The following DEFA5 variants were observed in gnomAD, a reference collection of about 807,000 sequenced individuals.
DEFA5 encodes HD5(20-94).
A neutral mutation model predicts 8.7 loss-of-function variants in DEFA5; 11 were observed. The ratio of observed to expected loss-of-function variants is 1.26; its 90% CI spans 0.80 to 2.09. The LOEUF is 2.09. Ranked by LOEUF, DEFA5 falls within the 30% of genes most tolerant of loss-of-function variation. The probability of loss-of-function intolerance (pLI) is 0.00; values close to 1 mark genes in which losing one functional copy is unlikely to be tolerated. For synonymous variants in DEFA5, 52 were observed against 43.9 expected (o/e 1.18, Z -0.73); for missense variants, 181 against 117.2 (o/e 1.54, Z -2.52).
Position 7,055,533 on chromosome 8 carries a change from T to C in DEFA5, c.183A>G (p.Ala61=). 1 of 1,611,552 alleles carries C rather than the reference T, an allele frequency of 6.2e-7. No homozygotes were observed. Among genetic ancestry groups the C allele is most frequent in the African/African-American group, 1.3e-5 (1 of 74,994 alleles). The change falls in exon 2 of 2, where the codon GCA becomes GCG. Residue 61 remains alanine, a synonymous_variant. Transcript: ENST00000330590. ...CGGTTCGGCAATAGCAGGTGGCTCT[T>C]GCCTGAGAACCTGTGGAAAGAAGAG... is the stretch of plus-strand genomic sequence containing the variant. ...LSALRTSGSQ[A]RATCYCRTGR...
intron 1 of DEFA5, 110 bp from the exon 2 acceptor site, chr8:7,055,653 G>T: frequency 1.4e-6 from 1 of 708,658 alleles, no homozygotes; most frequent in Non-Finnish European, 2.5e-6. Context: ...AGTCATGTTA[G>T]GATGGAGAAA....
chr8:7,055,921 C>T (rs558267922), intron 1 of DEFA5, among the ~76,000 whole-genome samples: 1 of 151,950 alleles, frequency 6.6e-6, no homozygotes, highest in Admixed American at 6.5e-5. Context: ...TGAAATGCCG[C>T]ATTGTGCATG....
At position 7,055,545 on chromosome 8, in the gene DEFA5, T is replaced by G. The variant is rs1812390827; in HGVS notation, c.173-2A>C. On this transcript the variant is annotated splice_acceptor_variant, in intron 1 of 1. Coordinates refer to ENST00000330590, the MANE Select transcript of DEFA5 (RefSeq NM_021010.3). LOFTEE classifies it high-confidence loss of function. ...AGCAGGTGGCTCTTGCCTGAGAACC[T>G]GTGGAAAGAAGAGAGGGTCAGGCAC... The G allele has an allele frequency of 6.2e-7, 1 of 1,606,960 alleles. No homozygotes were observed. Among genetic ancestry groups the G allele is most frequent in the East Asian group, 2.2e-5 (1 of 44,736 alleles).
Position 7,056,622 on chromosome 8 carries a change from C to T in DEFA5, c.76G>A (p.Ala26Thr), listed in dbSNP as rs766953935. 18 of 1,614,060 alleles carry T rather than the reference C, an allele frequency of 1.1e-5. No individual in the cohort carries two copies. The highest frequency in any genetic ancestry group is 1.6e-4 in the Middle Eastern group (1 of 6,082). ...TGCTTCTGGGTTGTAGCCTCATCAG[C>T]TCTTTCCTGGAGTGACTCAGCCTGG... ...QAQAESLQERADEATTQKQSG... is the reference protein window; with the variant it reads ...QAQAESLQERTDEATTQKQSG... The change falls in exon 1 of 2, where the codon GCT (alanine) becomes ACT (threonine). Residue 26 changes from alanine to threonine, a missense_variant. By Grantham distance (58) the Ala-to-Thr change is moderately conservative (BLOSUM62 0). Coordinates refer to ENST00000330590, the MANE Select transcript of DEFA5 (RefSeq NM_021010.3).
intron 1 of DEFA5, 74 bp from the exon 2 acceptor site, chr8:7,055,617 A>T: frequency 1.1e-6 from 1 of 930,310 alleles, no homozygotes; most frequent in Non-Finnish European, 1.7e-6. Flanking sequence ...ACTAACTGAG[A>T]TAGTCTAAAT....
At chr8:7,055,918 C>T (rs1432466923) in intron 1 of DEFA5, among the ~76,000 whole-genome samples, 1 of 151,896 alleles carries the variant, frequency 6.6e-6, no homozygotes, top group Non-Finnish European at 1.5e-5. Flanking sequence ...TTCTGAAATG[C>T]CGCATTGTGC....
intron 1 of DEFA5, among the ~76,000 whole-genome samples, chr8:7,056,014 CTTTTTTTTTTT>C (rs56220551): frequency 1.2e-4 from 14 of 112,948 alleles, no homozygotes; most frequent in African/African-American, 4.9e-4. Context: ...TCTGTCTCTC[CTTTTTTTTTTT>C]TTTTTTTTTT....
chr8:7,056,657 G>C lies in DEFA5; in HGVS notation c.41C>G (p.Ala14Gly). ...IAILAAILLV[A>G]LQAQAESLQE... ...GAGTGACTCAGCCTGGGCCTGCAGGGCCACCAGGAGAATGGCAGCAAGGAT... is the reference window on the plus strand; with the variant it reads ...GAGTGACTCAGCCTGGGCCTGCAGGCCCACCAGGAGAATGGCAGCAAGGAT... The change falls in exon 1 of 2, where the codon GCC becomes GGC. Residue 14 changes from alanine to glycine, a missense_variant. Coordinates refer to ENST00000330590, the MANE Select transcript of DEFA5 (RefSeq NM_021010.3). The C allele has an allele frequency of 6.2e-7, 1 of 1,613,634 alleles. No homozygotes were observed. The highest frequency in any genetic ancestry group is 1.3e-5 in the African/African-American group (1 of 75,052).
In DEFA5 at chr8:7,055,632, G is replaced by C. The variant is rs1469736905; in HGVS notation, c.173-89C>G. ...ACTAACTGAGATAGTCTAAATAAGA[G>C]ACACTGTATCAGTCATGTTAGGATG... On this transcript the variant is annotated intron_variant, in intron 1 of 1. Transcript: ENST00000330590. 17 of 833,150 alleles carry C rather than the reference G, an allele frequency of 2.0e-5. No homozygotes were observed. In the Admixed American group the frequency reaches 3.5e-4, roughly 17 times the overall value. The allele number at this position is 833,150 out of a possible 1,614,324, so 51.6% of individuals were successfully genotyped here.
chr8:7,056,726 A>G lies in DEFA5; in HGVS notation c.-29T>C. The G allele has an allele frequency of 1.3e-6, 2 of 1,592,996 alleles. No individual in the cohort carries two copies. The highest frequency in any genetic ancestry group is 1.7e-6 in the Non-Finnish European group (2 of 1,165,664). On this transcript the variant is annotated 5_prime_UTR_variant, in exon 1 of 2. Transcript: ENST00000330590. The stretch of plus-strand genomic sequence containing the variant: ...TGGGGTCACCTGCAGGAGGGAGAGC[A>G]GGAGTGGATATGTGGGGAGTGAGGA...
At chr8:7,055,776 C>T (rs1812401545) in intron 1 of DEFA5, among the ~76,000 whole-genome samples, 1 of 152,118 alleles carries the variant, frequency 6.6e-6, no homozygotes, top group Non-Finnish European at 1.5e-5. Flanking sequence ...ATTACCTGCT[C>T]CCTGGTCCAA....
chr8:7,056,647 G>A lies in DEFA5; in HGVS notation c.51C>T (p.Ala17=), dbSNP rs147432781. ...CTCTTTCCTGGAGTGACTCAGCCTG[G>A]GCCTGCAGGGCCACCAGGAGAATGG... is the stretch of plus-strand genomic sequence containing the variant. ...LAAILLVALQ[A]QAESLQERAD... is the part of the protein sequence containing the mutation. Residue 17 remains alanine (A), a synonymous_variant, in exon 1 of 2, where the codon GCC becomes GCT. Transcript: ENST00000330590. The A allele has an allele frequency of 0.01, 16,891 of 1,613,876 alleles. 108 individuals carry two copies. The highest frequency in any genetic ancestry group is 0.013 in the Non-Finnish European group (15,609 of 1,179,818).
At position 7,055,421 on chromosome 8, in the gene DEFA5, T is replaced by C; in HGVS notation, c.*10A>G. 6.2e-7 allele frequency: 1 copy of C among 1,610,030 alleles called. No homozygotes were observed. Among genetic ancestry groups the C allele is most frequent in the Non-Finnish European group, 8.5e-7 (1 of 1,176,886 alleles). On this transcript the variant is annotated 3_prime_UTR_variant, in exon 2 of 2. Coordinates refer to ENST00000330590, the MANE Select transcript of DEFA5 (RefSeq NM_021010.3). Reference sequence around the variant, plus strand: ...GAATCTTGCACTGCTTTGGTTTCTATCTAGGAAGCTCAGCGACAGCAGAGT... The same window carrying C: ...GAATCTTGCACTGCTTTGGTTTCTACCTAGGAAGCTCAGCGACAGCAGAGT...
Position 7,055,456 on chromosome 8 carries a change from C to A in DEFA5, c.260G>T (p.Arg87Leu), listed in dbSNP as rs373926117. 11 of 1,613,616 alleles carry A rather than the reference C, an allele frequency of 6.8e-6. No individual in the cohort carries two copies. The highest frequency in any genetic ancestry group is 1.6e-4 in the Middle Eastern group (1 of 6,084). Residue 87 changes from arginine to leucine, a missense_variant, in exon 2 of 2, where the codon CGC becomes CTC. By Grantham distance (102) the Arg-to-Leu change is moderately radical (BLOSUM62 -2). Coordinates refer to ENST00000330590, the MANE Select transcript of DEFA5 (RefSeq NM_021010.3). ...TCAGCGACAGCAGAGTCTGTAGAGG[C>A]GGCCACTGATTTCACACACCCCGGA... ...SLSGVCEISG[R>L]LYRLCCR
intron 1 of DEFA5, among the ~76,000 whole-genome samples, chr8:7,056,112 T>C (rs925778269): frequency 2.6e-5 from 4 of 151,754 alleles, no homozygotes; most frequent in African/African-American, 4.8e-5. Context: ...AATATGATGT[T>C]TTGATCTAAG....
rs200848869 is a variant in DEFA5 at position 7,056,664 on chromosome 8, G to A, written c.34C>T (p.Leu12=). 7.4e-6 allele frequency: 12 copies of A among 1,613,554 alleles called. No homozygotes were observed. In the East Asian group the frequency reaches 2.7e-4, roughly 36 times the overall value. The change falls in exon 1 of 2, where the codon CTG becomes TTG. Residue 12 remains leucine (L), a synonymous_variant. Coordinates refer to ENST00000330590, the MANE Select transcript of DEFA5 (RefSeq NM_021010.3). ...RTIAILAAIL[L]VALQAQAESL... ...TCAGCCTGGGCCTGCAGGGCCACCA[G>A]GAGAATGGCAGCAAGGATGGCGATG...
At chr8:7,055,564 C>G (rs1563111031) in intron 1 of DEFA5, 21 bp from the exon 2 acceptor site, 2 of 1,562,224 alleles carry the variant, frequency 1.3e-6, no homozygotes, top group Non-Finnish European at 1.8e-6. Context: ...AAGAGAGGGT[C>G]AGGCACAGCG....
Position 7,056,612 on chromosome 8 carries a change from G to A in DEFA5, c.86C>T (p.Ala29Val), listed in dbSNP as rs376687993. The A allele has an allele frequency of 6.8e-6, 11 of 1,614,040 alleles. No individual in the cohort carries two copies. Among genetic ancestry groups the A allele is most frequent in the South Asian group, 6.6e-5 (6 of 91,078 alleles). ...TTCCCCAGACTGCTTCTGGGTTGTA[G>A]CCTCATCAGCTCTTTCCTGGAGTGA... ...AESLQERADE[A>V]TTQKQSGEDN... The change falls in exon 1 of 2, where the codon GCT becomes GTT. Residue 29 changes from alanine to valine, a missense_variant. Transcript: ENST00000330590.
At position 7,055,461 on chromosome 8, in the gene DEFA5, A is replaced by C. The variant is rs779329820; in HGVS notation, c.255T>G (p.Ser85Arg). The change falls in exon 2 of 2, where the codon AGT becomes AGG. Residue 85 changes from serine to arginine, a missense_variant. Coordinates refer to ENST00000330590, the MANE Select transcript of DEFA5 (RefSeq NM_021010.3). Reference protein sequence around the residue: ...RESLSGVCEISGRLYRLCCR With the variant: ...RESLSGVCEIRGRLYRLCCR ...GACAGCAGAGTCTGTAGAGGCGGCC[A>C]CTGATTTCACACACCCCGGAGAGGG... is the stretch of plus-strand genomic sequence containing the variant. 5.6e-6 allele frequency: 9 copies of C among 1,613,706 alleles called. No individual in the cohort carries two copies.
Sources: allele counts gnomAD v4.1 joint callset (sites outside exome capture counted in the v4.1 genomes callset), GRCh38; gene constraint gnomAD v4.1.1; transcripts MANE v1.5; gene names NCBI Gene and HGNC (gene_info 2026-07-23, HGNC 2026-07-21).